The following OTUD7A variants were observed in gnomAD, a reference collection of about 807,000 sequenced individuals.
The protein encoded by OTUD7A is OTU deubiquitinase 7A, also known as OTU domain-containing protein 7A.
A neutral mutation model predicts 65.7 loss-of-function variants in OTUD7A; 12 were observed. The observed-to-expected ratio is 0.18, with a 90% confidence interval of 0.12 to 0.30. The LOEUF is 0.30. Ranked by LOEUF, OTUD7A falls within the 10% of genes least tolerant of loss-of-function variation. The pLI, the probability that OTUD7A is intolerant of heterozygous loss-of-function variation, is 1.00. For missense variants in OTUD7A, 1,148 were observed against 1,304.8 expected, an observed-to-expected ratio of 0.88 and a Z score of 1.85; for synonymous variants, 641 against 586.3, an observed-to-expected ratio of 1.09 and a Z score of -1.35.
At chr15:31,703,494 C>A (rs1893259916) in intron 1 of OTUD7A, among the ~76,000 whole-genome samples, 1 of 151,776 alleles carries the variant, frequency 6.6e-6, no homozygotes, top group African/African-American at 2.4e-5. Flanking sequence ...CCTTAGCCAT[C>A]AAGGAAATGC....
Position 31,839,732 on chromosome 15 carries a change from G to T in OTUD7A, c.-100+30775C>A, listed in dbSNP as rs188212163. ...GGGATTCAGACAAGCTCTAAGAAGG[G>T]TGTCACTGCACCATGGTCAGGTATA... On this transcript the variant is annotated intron_variant, in intron 1 of 12. Transcript: ENST00000307050. Among the ~76,000 whole-genome samples the T allele has an allele frequency of 4.7e-3, 714 of 152,264 alleles. 23 individuals carry two copies. The highest frequency in any genetic ancestry group is 0.042 in the Admixed American group (646 of 15,296).
At chr15:31,762,624 T>C (rs28654500) in intron 1 of OTUD7A, among the ~76,000 whole-genome samples, 4 of 152,370 alleles carry the variant, frequency 2.6e-5, no homozygotes, top group African/African-American at 9.6e-5. Flanking sequence ...GGCTTGCCAC[T>C]GAGTGGTGCG....
intron 8 of OTUD7A, among the ~76,000 whole-genome samples, chr15:31,523,265 C>G (rs1048644534): frequency 6.6e-6 from 1 of 152,218 alleles, no homozygotes; most frequent in Non-Finnish European, 1.5e-5. Flanking sequence ...GTCTGTGTCC[C>G]CTGTGGGGCC....
At chr15:31,649,894 T>C (rs1891785943) in intron 3 of OTUD7A, 2 of 269,444 alleles carry the variant, frequency 7.4e-6, no homozygotes, top group Non-Finnish European at 1.7e-5. Flanking sequence ...GACACTTCCC[T>C]TCCTCCAGTC....
chr15:31,800,034 C>T (rs756515841), intron 1 of OTUD7A, among the ~76,000 whole-genome samples: 6 of 152,144 alleles, frequency 3.9e-5, no homozygotes, highest in East Asian at 1.9e-4. Context: ...CACCAGAAAC[C>T]GCAGAAAGTG....
intron 1 of OTUD7A, among the ~76,000 whole-genome samples, chr15:31,737,998 G>A (rs978216509): frequency 2.6e-5 from 4 of 152,176 alleles, no homozygotes; most frequent in Admixed American, 2.6e-4. Context: ...GCTCAAGGAA[G>A]TATAAATTGG....
chr15:31,831,729 G>C (rs1056411467), intron 1 of OTUD7A, among the ~76,000 whole-genome samples: 1 of 152,232 alleles, frequency 6.6e-6, no homozygotes, highest in Non-Finnish European at 1.5e-5. Context: ...AAACTGGGAA[G>C]AGCCCAGGAT....
At chr15:31,519,249 A>G (rs2041906318) in intron 8 of OTUD7A, among the ~76,000 whole-genome samples, 1 of 152,248 alleles carries the variant, frequency 6.6e-6, no homozygotes, top group Non-Finnish European at 1.5e-5. Flanking sequence ...ATTTTTCTGC[A>G]TCTATCAAGA....
chr15:31,791,832 T>C (rs144706136), intron 1 of OTUD7A, among the ~76,000 whole-genome samples: 1 of 152,288 alleles, frequency 6.6e-6, no homozygotes, highest in African/African-American at 2.4e-5. Flanking sequence ...TCAGACCCTG[T>C]TGACAAATGT....
chr15:31,758,244 C>T (rs1894868140), intron 1 of OTUD7A, among the ~76,000 whole-genome samples: 4 of 151,164 alleles, frequency 2.6e-5, no homozygotes, highest in Admixed American at 2.6e-4. Context: ...ATGTCTGTCA[C>T]ACACACACAC....
intron 1 of OTUD7A, among the ~76,000 whole-genome samples, chr15:31,792,931 C>A (rs573426800): frequency 2.0e-4 from 31 of 152,270 alleles, no homozygotes; most frequent in African/African-American, 7.5e-4. Context: ...GGATTCTAAG[C>A]AGTCCTGCCA....
chr15:31,527,200 T>C lies in OTUD7A; in HGVS notation c.761A>G (p.Gln254Arg), dbSNP rs1175972531. Residue 254 changes from glutamine (Q) to arginine (R), a missense_variant, in exon 7 of 13, where the codon CAG becomes CGG. Gln to Arg is a conservative substitution (Grantham distance 43, BLOSUM62 1). This residue lies in a region of OTUD7A where 134 missense variants were observed against 252.6 expected (regional missense o/e 0.53). Transcript: ENST00000307050. ...EALKRRWRWQ[Q>R]TQQNKESGLV... ...ACCAACCTCCTTATTCTGCTGCGTC[T>C]GCTGCCACCTCCACCTCCGCTTCAG... is the stretch of plus-strand genomic sequence containing the variant. The C allele has an allele frequency of 6.2e-7, 1 of 1,614,194 alleles. No homozygotes were observed.
chr15:31,670,599 A>T (rs1892456149), intron 1 of OTUD7A, among the ~76,000 whole-genome samples: 1 of 152,196 alleles, frequency 6.6e-6, no homozygotes, highest in South Asian at 2.1e-4. Flanking sequence ...GTGTCTGTTC[A>T]TATCCTTTGC....
Position 31,481,554 on chromosome 15 carries a change from T to C in OTUD7A, c.*1740A>G, listed in dbSNP as rs1316060371. The C allele has an allele frequency of 2.0e-5, 3 of 152,166 alleles. No individual in the cohort carries two copies. The highest frequency in any genetic ancestry group is 4.4e-5 in the Non-Finnish European group (3 of 68,024). 9.4% of individuals were successfully genotyped at this position (152,166 alleles called of 1,614,324 possible). A position where few individuals can be genotyped will look rare whatever the true frequency, so the allele number is the denominator to read the frequency against. ...TTGTTCAGCAGGAAAAGTAAAACTTTCAAAAAATTTCTTAAAGATCCTATT... is the reference window on the plus strand; with the variant it reads ...TTGTTCAGCAGGAAAAGTAAAACTTCCAAAAAATTTCTTAAAGATCCTATT... On this transcript the variant is annotated 3_prime_UTR_variant, in exon 13 of 13. Coordinates refer to ENST00000307050, the MANE Select transcript of OTUD7A (RefSeq NM_001382637.1).
At chr15:31,611,890 T>C (rs1467443006) in intron 3 of OTUD7A, among the ~76,000 whole-genome samples, 1 of 152,056 alleles carries the variant, frequency 6.6e-6, no homozygotes, top group Non-Finnish European at 1.5e-5. Flanking sequence ...ACAAAGATGC[T>C]AAAATCCTTA....
At chr15:31,709,547 G>A (rs1457635178) in intron 1 of OTUD7A, among the ~76,000 whole-genome samples, 1 of 152,272 alleles carries the variant, frequency 6.6e-6, no homozygotes, top group East Asian at 1.9e-4. Flanking sequence ...AGGGAACCAG[G>A]AGGAGATGGG....
chr15:31,630,462 T>C (rs1025244142), intron 3 of OTUD7A, among the ~76,000 whole-genome samples: 53 of 152,364 alleles, frequency 3.5e-4, no homozygotes, highest in African/African-American at 1.3e-3. Context: ...AGAGACAGTT[T>C]GTTATAATTT....
chr15:31,665,309 A>G (rs1011614217), intron 1 of OTUD7A, among the ~76,000 whole-genome samples: 5 of 152,088 alleles, frequency 3.3e-5, no homozygotes, highest in African/African-American at 9.7e-5. Flanking sequence ...TGTGTTCCCA[A>G]TTGTTTGTGT....
chr15:31,516,118 C>G (rs2041850822), intron 8 of OTUD7A, among the ~76,000 whole-genome samples: 1 of 152,236 alleles, frequency 6.6e-6, no homozygotes, highest in African/African-American at 2.4e-5. Flanking sequence ...CAGCATGGAG[C>G]CTCCTGGCAG....
Sources: allele counts gnomAD v4.1 joint callset (sites outside exome capture counted in the v4.1 genomes callset), GRCh38; gene constraint gnomAD v4.1.1; regional missense constraint gnomAD v4.1.1; transcripts MANE v1.5; gene names NCBI Gene and HGNC (gene_info 2026-07-23, HGNC 2026-07-21).